The following TRAM2 variants were observed in gnomAD, a reference collection of about 807,000 sequenced individuals.
The protein encoded by TRAM2 is translocation associated membrane protein 2, also known as translocating chain-associated membrane protein 2.
In TRAM2, 12 loss-of-function variants were observed where a neutral mutation model predicts 51.0. The observed-to-expected ratio is 0.24, with a 90% CI of 0.15 to 0.38. The LOEUF is 0.38. Among genes scored for constraint, TRAM2 ranks in the 10% least tolerant of loss-of-function variants. The pLI, the probability that TRAM2 is intolerant of heterozygous loss-of-function variation, is 1.00. For missense variants in TRAM2, 361 were observed against 462.0 expected, an observed-to-expected ratio of 0.78 and a Z score of 2.00; for synonymous variants, 175 against 179.4, an observed-to-expected ratio of 0.98 and a Z score of 0.20.
chr6:52,566,849 A>G (rs576838238), intron 1 of TRAM2, among the ~76,000 whole-genome samples: 53 of 152,288 alleles, frequency 3.5e-4, no homozygotes, highest in Non-Finnish European at 4.4e-4. Flanking sequence ...CATCCCCTCT[A>G]GTACACTACA....
rs1766700318 is a variant in TRAM2, at chr6:52,522,795, A to T, written c.185-6058T>A. 3 of 645,964 alleles carry T rather than the reference A, an allele frequency of 4.6e-6. No individual in the cohort carries two copies. The East Asian group carries it at 8.3e-5, about 18-fold the overall frequency. 40.0% of individuals were successfully genotyped at this position (645,964 alleles called of 1,614,324 possible). On this transcript the variant is annotated intron_variant, in intron 2 of 10. Transcript: ENST00000182527. The stretch of plus-strand genomic sequence containing the variant: ...CTTGGCTGTTTTGACAACCTCTGTG[A>T]GCAGCTGTCCCTTTTGGGGAGTCAC...
At position 52,519,529 on chromosome 6, in the gene TRAM2, T is replaced by C. The variant is rs181043904; in HGVS notation, c.185-2792A>G. On this transcript the variant is annotated intron_variant, in intron 2 of 10. Transcript: ENST00000182527. ...TGAGGATGTGGAGAAACTGGGAACT[T>C]TGTACATTGTTGGTGGGAATGTAAA... 6.8e-3 allele frequency among the ~76,000 whole-genome samples: 1,033 copies of C among 152,344 alleles called. 17 individuals are homozygous for C. The highest frequency in any genetic ancestry group is 0.023 in the African/African-American group (972 of 41,574).
chr6:52,503,197 T>C lies in TRAM2; in HGVS notation c.1113A>G (p.Ter371=), dbSNP rs759153391. 1.3e-5 allele frequency: 21 copies of C among 1,613,260 alleles called. No individual in the cohort carries two copies. Among genetic ancestry groups the C allele is most frequent in the Non-Finnish European group, 1.8e-5 (21 of 1,179,676 alleles). Residue 371 remains the stop codon, a stop_retained_variant, in exon 11 of 11, where the codon TAA becomes TAG. Transcript: ENST00000182527. The stretch of plus-strand genomic sequence containing the variant: ...GATTCCTGTTCTTAGCACTTTGGCC[T>C]TAGGGAGACTTGAGTTTCTTAGTCC... ...SPRTKKLKSP[*] is the part of the protein sequence containing the mutation.
chr6:52,535,770 C>CAGG lies in TRAM2; in HGVS notation c.184+12_184+13insCCT, dbSNP rs532398897. Reference sequence around the variant, plus strand: ...AACAGGGCCAGGAGAAGATGGAGACCAGTGATTCTTACCTGCTGTAGGCAC... The same window carrying CAGG: ...AACAGGGCCAGGAGAAGATGGAGACCAGGAGTGATTCTTACCTGCTGTAGGCAC... On this transcript the variant is annotated intron_variant, in intron 2 of 10. Coordinates refer to ENST00000182527, the MANE Select transcript of TRAM2 (RefSeq NM_012288.4). The CAGG allele has an allele frequency of 7.3e-5, 118 of 1,609,352 alleles. 1 individual carries two copies. In the African/African-American group the frequency reaches 1.5e-3, roughly 20 times the overall value.
chr6:52,535,906 G>A, intron 1 of TRAM2, 60 bp from the exon 2 acceptor site: 2 of 1,470,874 alleles, frequency 1.4e-6, no homozygotes, highest in South Asian at 1.2e-5. Flanking sequence ...AGAAACAAGT[G>A]GAAGCTGCTA....
At chr6:52,531,765 C>G (rs1766896923) in intron 2 of TRAM2, among the ~76,000 whole-genome samples, 1 of 152,228 alleles carries the variant, frequency 6.6e-6, no homozygotes, top group Non-Finnish European at 1.5e-5. Flanking sequence ...CACCCCTTTG[C>G]TTTTCCTTAC....
Position 52,505,717 on chromosome 6 carries a change from CA to C in TRAM2, c.756del (p.Phe252LeufsTer103). ...EKLFSAWAAVFGVTRLFILTL... is the reference protein window; with the variant it reads ...EKLFSAWAAVXGVTRLFILTL... ...GTGAGGATGAAGAGGCGGGTAACCC[CA>C]AAAACAGCAGCCCAGGCACTGAACC... On this transcript the variant is annotated frameshift_variant, in exon 9 of 11. Transcript: ENST00000182527. LOFTEE classifies it high-confidence loss of function. 6.2e-7 allele frequency: 1 copy of C among 1,612,146 alleles called. No individual in the cohort carries two copies. Among genetic ancestry groups the C allele is most frequent in the Non-Finnish European group, 8.5e-7 (1 of 1,178,876 alleles).
intron 2 of TRAM2, among the ~76,000 whole-genome samples, chr6:52,520,484 G>A (rs774398829): frequency 6.6e-5 from 10 of 152,196 alleles, no homozygotes; most frequent in African/African-American, 9.7e-5. Flanking sequence ...AGTCAGTGAC[G>A]GAATCAAAAG....
chr6:52,542,120 T>C (rs1767094900), intron 1 of TRAM2, among the ~76,000 whole-genome samples: 1 of 152,166 alleles, frequency 6.6e-6, no homozygotes, highest in African/African-American at 2.4e-5. Flanking sequence ...GCTCGGCCTG[T>C]TTTTGGAAGC....
intron 2 of TRAM2, among the ~76,000 whole-genome samples, chr6:52,532,609 A>G (rs1766912123): frequency 6.6e-6 from 1 of 152,242 alleles, no homozygotes; most frequent in Non-Finnish European, 1.5e-5. Context: ...AGTCATCACA[A>G]ATAAATGTAA....
At chr6:52,539,852 G>A (rs1055516105) in intron 1 of TRAM2, among the ~76,000 whole-genome samples, 9 of 151,998 alleles carry the variant, frequency 5.9e-5, no homozygotes, top group African/African-American at 1.9e-4. Flanking sequence ...TCTCTCTCTC[G>A]GTCTGTCCCA....
chr6:52,543,389 T>G (rs965492048), intron 1 of TRAM2, among the ~76,000 whole-genome samples: 2 of 152,264 alleles, frequency 1.3e-5, no homozygotes, highest in African/African-American at 4.8e-5. Context: ...TTCTTAATAT[T>G]TATTTCTCCT....
rs996112668 is a variant in TRAM2 at position 52,576,999 on chromosome 6, C to CGCCCGCCG, written c.-92_-85dup. 30 of 1,320,902 alleles carry CGCCCGCCG rather than the reference C, an allele frequency of 2.3e-5. No individual in the cohort carries two copies. Among genetic ancestry groups the CGCCCGCCG allele is most frequent in the Admixed American group, 1.7e-4 (4 of 24,090 alleles). 81.8% of individuals were successfully genotyped at this position (1,320,902 alleles called of 1,614,324 possible). A position where few individuals can be genotyped will look rare whatever the true frequency, so the allele number is the denominator to read the frequency against. ...AAACTTCTCCAGCACCGGCCCGGTC[C>CGCCCGCCG]GCCCGCCGGCCCGCCGCCCGCTCTC... On this transcript the variant is annotated 5_prime_UTR_variant, in exon 1 of 11. Transcript: ENST00000182527.
At position 52,505,841 on chromosome 6, in the gene TRAM2, A is replaced by G. The variant is rs1360890790; in HGVS notation, c.732-99T>C. ...AGACCCCGAGTGGGAAGAGGATTCA[A>G]GGGTGGCTGGGGAAAGTGCTTGAGG... On this transcript the variant is annotated intron_variant, in intron 8 of 10. Coordinates refer to ENST00000182527, the MANE Select transcript of TRAM2 (RefSeq NM_012288.4). 4 of 1,502,246 alleles carry G rather than the reference A, an allele frequency of 2.7e-6. No individual in the cohort carries two copies. In the Admixed American group the frequency reaches 6.7e-5, roughly 25 times the overall value. The allele number at this position is 1,502,246 out of a possible 1,614,324, so 93.1% of individuals were successfully genotyped here.
Position 52,576,843 on chromosome 6 carries a change from T to G in TRAM2, c.73A>C (p.Ile25Leu), listed in dbSNP as rs754507968. The change falls in exon 1 of 11, where the codon ATC (isoleucine) becomes CTC (leucine). Residue 25 changes from isoleucine to leucine, a missense_variant. Transcript: ENST00000182527. ...ACGCAGAGCACCAGGCAGAAGCCGA[T>G]GTCCGCATGGTTGTGGATGACGAAC... ...QEFVIHNHADIGFCLVLCVLI... is the reference protein window; with the variant it reads ...QEFVIHNHADLGFCLVLCVLI... 1.1e-5 allele frequency: 18 copies of G among 1,613,782 alleles called. No individual in the cohort carries two copies. The highest frequency in any genetic ancestry group is 1.4e-5 in the Non-Finnish European group (17 of 1,179,878).
At chr6:52,530,451 T>C (rs1158287374) in intron 2 of TRAM2, among the ~76,000 whole-genome samples, 1 of 152,230 alleles carries the variant, frequency 6.6e-6, no homozygotes, top group Non-Finnish European at 1.5e-5. Context: ...CTCTTGTTGA[T>C]GTCCTAACTC....
At chr6:52,522,729 C>A (rs924943453) in intron 2 of TRAM2, among the ~76,000 whole-genome samples, 1 of 152,248 alleles carries the variant, frequency 6.6e-6, no homozygotes, top group Non-Finnish European at 1.5e-5. Context: ...CTTTGCTTAT[C>A]TTTGATTACA....
intron 1 of TRAM2, among the ~76,000 whole-genome samples, chr6:52,550,222 TCCC>T (rs1356280938): frequency 1.3e-5 from 2 of 152,084 alleles, no homozygotes; most frequent in Non-Finnish European, 2.9e-5. Flanking sequence ...CTCCAGCCCC[TCCC>T]CTTCAACCAC....
Position 52,502,540 on chromosome 6 carries a change from G to A in TRAM2, c.*657C>T, listed in dbSNP as rs1195973271. ...CCAACCGAGTTCACACCATCCTTCT[G>A]GATTGAGTTGTCACGTCCCAAAGCC... is the stretch of plus-strand genomic sequence containing the variant. On this transcript the variant is annotated 3_prime_UTR_variant, in exon 11 of 11. Coordinates refer to ENST00000182527, the MANE Select transcript of TRAM2 (RefSeq NM_012288.4). 6.6e-6 allele frequency: 1 copy of A among 152,320 alleles called. No homozygotes were observed. The highest frequency in any genetic ancestry group is 2.4e-5 in the African/African-American group (1 of 41,474). 9.4% of individuals were successfully genotyped at this position (152,320 alleles called of 1,614,324 possible). A position where few individuals can be genotyped will look rare whatever the true frequency, so the allele number is the denominator to read the frequency against.
Sources: allele counts gnomAD v4.1 joint callset (sites outside exome capture counted in the v4.1 genomes callset), GRCh38; gene constraint gnomAD v4.1.1; transcripts MANE v1.5; gene names NCBI Gene and HGNC (gene_info 2026-07-23, HGNC 2026-07-21).